Variants in DLG1 observed in about 807,000 individuals in gnomAD.
DLG1 encodes the protein disks large homolog 1.
Under a neutral mutation model 123.4 loss-of-function variants are expected in DLG1, and 42 were observed. That is an observed-to-expected ratio of 0.34 (90% CI 0.27 to 0.44). DLG1 has a LOEUF of 0.44. DLG1 is among the 20% of genes least tolerant of loss of function. The probability of loss-of-function intolerance (pLI) is 1.00; values close to 1 mark genes in which losing one functional copy is unlikely to be tolerated. For synonymous variants in DLG1, 317 were observed against 356.2 expected, an observed-to-expected ratio of 0.89 and a Z score of 1.24; for missense variants, 942 against 1,082.6, an observed-to-expected ratio of 0.87 and a Z score of 1.82.
intron 5 of DLG1, among the ~76,000 whole-genome samples, chr3:197,164,727 C>G (rs778423825): frequency 1.4e-5 from 2 of 145,370 alleles, no homozygotes; most frequent in Admixed American, 1.4e-4. Context: ...CATGGCAAAA[C>G]CCCGTCTCTA....
At chr3:197,059,857 A>AC in intron 23 of DLG1, 32 bp downstream of exon 23, 1 of 1,442,182 alleles carries the variant, frequency 6.9e-7, no homozygotes, top group Non-Finnish European at 9.7e-7. Context: ...GAATTTGTAC[A>AC]CAGAGGCTAT....
At chr3:197,164,112 C>T (rs554386083) in intron 5 of DLG1, among the ~76,000 whole-genome samples, 1 of 152,050 alleles carries the variant, frequency 6.6e-6, no homozygotes, top group East Asian at 1.9e-4. Flanking sequence ...CTAAACTTGG[C>T]CAGGCACAGT....
intron 15 of DLG1, among the ~76,000 whole-genome samples, chr3:197,088,691 G>GAACTATC (rs1347176287): frequency 6.6e-6 from 1 of 152,146 alleles, no homozygotes; most frequent in Admixed American, 6.5e-5. Flanking sequence ...GAAAAAACCT[G>GAACTATC]AACTATCAGA....
chr3:197,166,143 T>A (rs1056131737), intron 5 of DLG1, among the ~76,000 whole-genome samples: 1 of 152,122 alleles, frequency 6.6e-6, no homozygotes, highest in African/African-American at 2.4e-5. Context: ...ACAGATAGCA[T>A]CTATGAGGCA....
intron 4 of DLG1, among the ~76,000 whole-genome samples, chr3:197,276,732 T>C (rs1766603877): frequency 6.6e-6 from 1 of 152,108 alleles, no homozygotes; most frequent in Non-Finnish European, 1.5e-5. Flanking sequence ...TCTTTCAAGA[T>C]TCAGAAGTTC....
chr3:197,234,134 T>G (rs184432676), intron 4 of DLG1, among the ~76,000 whole-genome samples: 2 of 152,202 alleles, frequency 1.3e-5, no homozygotes, highest in Non-Finnish European at 2.9e-5. Context: ...ATACCAGAGA[T>G]AAGGTTTTGA....
At chr3:197,056,063 T>G (rs1731465227) in intron 23 of DLG1, among the ~76,000 whole-genome samples, 1 of 152,218 alleles carries the variant, frequency 6.6e-6, no homozygotes, top group Non-Finnish European at 1.5e-5. Flanking sequence ...TGCTACCATG[T>G]TAAGAGCTGA....
At chr3:197,250,980 C>CAAAAAA (rs34378051) in intron 4 of DLG1, among the ~76,000 whole-genome samples, 2 of 87,106 alleles carry the variant, frequency 2.3e-5, no homozygotes, top group Non-Finnish European at 2.3e-5. Flanking sequence ...AAGACTCCAT[C>CAAAAAA]AAAAAAAAAA....
At chr3:197,051,789 A>C in intron 23 of DLG1, 121 bp from the exon 24 acceptor site, 1 of 647,374 alleles carries the variant, frequency 1.5e-6, no homozygotes. Flanking sequence ...TGCTGAAAAT[A>C]TGAATGTCAT....
chr3:197,234,993 G>C (rs1745206282), intron 4 of DLG1, among the ~76,000 whole-genome samples: 2 of 152,070 alleles, frequency 1.3e-5, no homozygotes, highest in Admixed American at 6.6e-5. Context: ...TTCTACGTCA[G>C]GCCATGAAGA....
At chr3:197,201,270 G>C (rs1221205311) in intron 4 of DLG1, among the ~76,000 whole-genome samples, 2 of 152,306 alleles carry the variant, frequency 1.3e-5, no homozygotes, top group South Asian at 2.1e-4. Flanking sequence ...TGTAGTCCCA[G>C]CTACTCGGGA....
intron 5 of DLG1, among the ~76,000 whole-genome samples, chr3:197,188,570 G>A (rs1341784779): frequency 6.6e-6 from 1 of 152,072 alleles, no homozygotes; most frequent in East Asian, 1.9e-4. Flanking sequence ...CTAAAGCTGT[G>A]CCTAATTTAC....
At chr3:197,268,833 T>C (rs1054835799) in intron 4 of DLG1, among the ~76,000 whole-genome samples, 3 of 152,084 alleles carry the variant, frequency 2.0e-5, no homozygotes, top group Admixed American at 1.3e-4. Context: ...ATAAGCTTTT[T>C]TCTATTTTTT....
chr3:197,160,585 T>C (rs1798402124), intron 5 of DLG1, among the ~76,000 whole-genome samples: 1 of 152,256 alleles, frequency 6.6e-6, no homozygotes, highest in African/African-American at 2.4e-5. Flanking sequence ...TCAAAAATTA[T>C]ATAGTAGCAG....
intron 4 of DLG1, among the ~76,000 whole-genome samples, chr3:197,202,901 T>C (rs1726542276): frequency 1.3e-5 from 2 of 151,752 alleles, no homozygotes; most frequent in South Asian, 4.2e-4. Context: ...CAGAGAACGA[T>C]GCAGTCTAAC....
Position 197,098,869 on chromosome 3 carries a change from CCTTTCTAT to C in DLG1, c.1546+6026_1546+6033del, listed in dbSNP as rs547733338. On this transcript the variant is annotated intron_variant, in intron 14 of 24. Transcript: ENST00000667157. The stretch of plus-strand genomic sequence containing the variant: ...TACTCTTAACAATTCCTCACAGCTA[CCTTTCTAT>C]ATGTTCAAAACATACTTCGGCATTT... Among the ~76,000 whole-genome samples the C allele has an allele frequency of 1.6e-4, 25 of 152,302 alleles. No individual in the cohort carries two copies. In the South Asian group the frequency reaches 4.3e-3, roughly 26 times the overall value.
At chr3:197,293,106 A>G (rs1775724025) in intron 3 of DLG1, among the ~76,000 whole-genome samples, 1 of 152,230 alleles carries the variant, frequency 6.6e-6, no homozygotes, top group African/African-American at 2.4e-5. Context: ...AAAAACTGGA[A>G]TACAAAAGCA....
At chr3:197,254,289 C>T (rs1366217844) in intron 4 of DLG1, among the ~76,000 whole-genome samples, 1 of 152,208 alleles carries the variant, frequency 6.6e-6, no homozygotes, top group African/African-American at 2.4e-5. Context: ...TTCATACACC[C>T]TAAAGTCATG....
intron 21 of DLG1, 26 bp from the exon 22 acceptor site, chr3:197,065,474 G>C: frequency 2.6e-6 from 4 of 1,541,000 alleles, no homozygotes; most frequent in East Asian, 2.3e-5. Context: ...ACTTGGGAAA[G>C]TGTTTAATAT....
Sources: gnomAD v4.1 joint callset for allele counts (sites outside exome capture counted in the v4.1 genomes callset) on GRCh38, gnomAD v4.1.1 for gene constraint, MANE v1.5 for transcripts, NCBI Gene and HGNC (gene_info 2026-07-23, HGNC 2026-07-21) for gene names.